AMBRA1: variants seen among roughly 807,000 people sequenced by gnomAD.
AMBRA1 encodes autophagy and beclin 1 regulator 1, also known as activating molecule in BECN1-regulated autophagy protein 1.
AMBRA1 carries 47 observed loss-of-function variants against 125.4 expected under a neutral mutation model. The ratio of observed to expected loss-of-function variants is 0.37; its 90% CI spans 0.30 to 0.48. The LOEUF (loss-of-function observed/expected upper bound fraction) is 0.48, where lower values mean the gene tolerates loss of function less well. Ranked by LOEUF, AMBRA1 falls within the 20% of genes least tolerant of loss-of-function variation. AMBRA1 has a pLI of 0.99. For synonymous variants in AMBRA1, 626 were observed against 655.5 expected (o/e 0.95, Z 0.69); for missense variants, 1,331 against 1,693.4 (o/e 0.79, Z 3.76).
intron 12 of AMBRA1, among the ~76,000 whole-genome samples, chr11:46,440,047 T>A (rs545521966): frequency 8.7e-4 from 132 of 151,964 alleles, no homozygotes; most frequent in African/African-American, 3.2e-3. Flanking sequence ...CTGTATAGAG[T>A]GTGGTATGGC....
intron 11 of AMBRA1, among the ~76,000 whole-genome samples, chr11:46,444,380 A>G (rs552388081): frequency 6.6e-6 from 1 of 152,176 alleles, no homozygotes; most frequent in Non-Finnish European, 1.5e-5. Flanking sequence ...AACCAATTAA[A>G]TAAAAAATGG....
Position 46,567,064 on chromosome 11 carries a change from G to GTGTT in AMBRA1, c.-120-18568_-120-18565dup, listed in dbSNP as rs111924211. Among the ~76,000 whole-genome samples the GTGTT allele has an allele frequency of 2.0e-3, 297 of 151,994 alleles. 3 individuals are homozygous for GTGTT. Among genetic ancestry groups the GTGTT allele is most frequent in the South Asian group, 0.017 (81 of 4,802 alleles). On this transcript the variant is annotated intron_variant, in intron 1 of 17. Transcript: ENST00000683756. ...AATAAAAATGTAAGCATATTAAGTAGTGTTTGTTTGTTTGTTTGTTTGTTT... is the reference window on the plus strand; with the variant it reads ...AATAAAAATGTAAGCATATTAAGTAGTGTTTGTTTGTTTGTTTGTTTGTTTGTTT...
rs1398623719 is a variant in AMBRA1, at chr11:46,583,652, C to CAAAAAAA, written c.-121+10169_-121+10175dup. Reference sequence around the variant, plus strand: ...TCTACAATGAACTCAAACAAATTTCCAAAAAAAAAAAAAAAAAAAAAAAAA... The same window carrying CAAAAAAA: ...TCTACAATGAACTCAAACAAATTTCCAAAAAAAAAAAAAAAAAAAAAAAAAAAAAAAA... On this transcript the variant is annotated intron_variant, in intron 1 of 17. Coordinates refer to ENST00000683756, the MANE Select transcript of AMBRA1 (RefSeq NM_001387011.1). Among the ~76,000 whole-genome samples, 21 of 12,554 alleles carry CAAAAAAA rather than the reference C, an allele frequency of 1.7e-3. 2 individuals carry two copies. The highest frequency in any genetic ancestry group is 3.0e-3 in the East Asian group (1 of 336). The allele number at this position is 12,554 out of a possible 152,430, so 8.2% of individuals were successfully genotyped here.
At chr11:46,425,343 TGTGTGTG>T (rs1440979897) in intron 14 of AMBRA1, among the ~76,000 whole-genome samples, 1 of 150,322 alleles carries the variant, frequency 6.7e-6, no homozygotes, top group Non-Finnish European at 1.5e-5. Context: ...TGTGTGTGTG[TGTGTGTG>T]TAAGAAGTAG....
At chr11:46,573,671 T>TC (rs2043848663) in intron 1 of AMBRA1, among the ~76,000 whole-genome samples, 1 of 151,568 alleles carries the variant, frequency 6.6e-6, no homozygotes, top group Non-Finnish European at 1.5e-5. Context: ...TTCTTTTTTT[T>TC]TTTTTTTATT....
chr11:46,535,927 C>T (rs1004146752), intron 7 of AMBRA1, among the ~76,000 whole-genome samples: 1 of 152,180 alleles, frequency 6.6e-6, no homozygotes, highest in African/African-American at 2.4e-5. Context: ...ACAACCCATT[C>T]ACAAGTTAGG....
chr11:46,526,067 G>C (rs906389706), intron 7 of AMBRA1, among the ~76,000 whole-genome samples: 1 of 151,330 alleles, frequency 6.6e-6, no homozygotes, highest in Non-Finnish European at 1.5e-5. Context: ...TAGCCAGGCA[G>C]GGTGGAATAT....
intron 1 of AMBRA1, among the ~76,000 whole-genome samples, chr11:46,550,861 C>A (rs375952910): frequency 8.1e-5 from 12 of 148,888 alleles, no homozygotes; most frequent in Admixed American, 3.4e-4. Flanking sequence ...CCGAGACGGG[C>A]GGATCGCGAG....
intron 1 of AMBRA1, among the ~76,000 whole-genome samples, chr11:46,551,606 C>G (rs867514998): frequency 1.3e-5 from 2 of 152,208 alleles, no homozygotes; most frequent in Non-Finnish European, 2.9e-5. Flanking sequence ...CGCGATGGCT[C>G]ACGCCTGTAA....
chr11:46,413,711 G>A (rs1254314112), intron 15 of AMBRA1, among the ~76,000 whole-genome samples: 1 of 151,992 alleles, frequency 6.6e-6, no homozygotes, highest in Non-Finnish European at 1.5e-5. Context: ...GGCTGGTCTC[G>A]AACTCCTGAC....
At chr11:46,579,539 T>C (rs2044099030) in intron 1 of AMBRA1, among the ~76,000 whole-genome samples, 2 of 152,250 alleles carry the variant, frequency 1.3e-5, no homozygotes, top group Middle Eastern at 3.4e-3. Context: ...AGAGAATCAT[T>C]ACTCTCACCA....
chr11:46,431,567 G>A (rs1341653051), intron 14 of AMBRA1, among the ~76,000 whole-genome samples: 1 of 152,244 alleles, frequency 6.6e-6, no homozygotes, highest in East Asian at 1.9e-4. Context: ...CTGTGTGCAG[G>A]AGCTGGGCAA....
At chr11:46,585,687 AAAAAAAAAATATATATATATATATAT>A (rs2044353759) in intron 1 of AMBRA1, among the ~76,000 whole-genome samples, 1 of 31,220 alleles carries the variant, frequency 3.2e-5, no homozygotes, top group Non-Finnish European at 7.2e-5. Context: ...AAAAAAAAAA[AAAAAAAAAATATATATATATATATAT>A]ATATATATAT....
At chr11:46,556,203 T>G (rs945085803) in intron 1 of AMBRA1, among the ~76,000 whole-genome samples, 7 of 152,192 alleles carry the variant, frequency 4.6e-5, no homozygotes, top group African/African-American at 1.7e-4. Context: ...TTGTTTTTAT[T>G]AATAGGACTT....
intron 14 of AMBRA1, among the ~76,000 whole-genome samples, chr11:46,419,288 A>G (rs1369819527): frequency 6.6e-6 from 1 of 152,230 alleles, no homozygotes; most frequent in Non-Finnish European, 1.5e-5. Context: ...ACTCTCTGAT[A>G]TGTTTTAGAA....
intron 7 of AMBRA1, among the ~76,000 whole-genome samples, chr11:46,514,928 A>C (rs1951411588): frequency 6.6e-6 from 1 of 152,216 alleles, no homozygotes. Flanking sequence ...AAGAGTATTC[A>C]GGTCATTTAT....
intron 11 of AMBRA1, among the ~76,000 whole-genome samples, chr11:46,473,464 G>A (rs148535781): frequency 2.0e-5 from 3 of 152,304 alleles, no homozygotes; most frequent in African/African-American, 7.2e-5. Flanking sequence ...GTATTGTATT[G>A]ACATCTTTGG....
chr11:46,518,306 C>T (rs1162464726), intron 7 of AMBRA1: 7 of 187,182 alleles, frequency 3.7e-5, no homozygotes, highest in Middle Eastern at 2.2e-3. Flanking sequence ...GGTGGGCTCC[C>T]GTAGTCCCAG....
chr11:46,541,845 T>A, intron 7 of AMBRA1, 100 bp downstream of exon 7: 1 of 1,487,136 alleles, frequency 6.7e-7, no homozygotes, highest in Non-Finnish European at 9.1e-7. Context: ...GATGCGTGGG[T>A]CCCAGACACT....
Sources: gnomAD v4.1 joint callset for allele counts (sites outside exome capture counted in the v4.1 genomes callset) on GRCh38, gnomAD v4.1.1 for gene constraint, MANE v1.5 for transcripts, NCBI Gene and HGNC (gene_info 2026-07-23, HGNC 2026-07-21) for gene names.